Variants in BIRC6 observed in about 807,000 individuals in gnomAD.
The protein encoded by BIRC6 is baculoviral IAP repeat containing 6, also known as dual E2 ubiquitin-conjugating enzyme/E3 ubiquitin-protein ligase BIRC6.
In BIRC6, 98 loss-of-function variants were observed where a neutral mutation model predicts 503.3. That is an observed-to-expected ratio of 0.19 (90% confidence interval 0.17 to 0.23). The LOEUF (loss-of-function observed/expected upper bound fraction) is 0.23, where lower values mean the gene tolerates loss of function less well. Among genes scored for constraint, BIRC6 ranks in the 10% least tolerant of loss-of-function variants. The probability of loss-of-function intolerance (pLI) is 1.00; values close to 1 mark genes in which losing one functional copy is unlikely to be tolerated. For missense variants in BIRC6, 5,360 were observed against 5,806.0 expected (o/e 0.92, Z 2.50); for synonymous variants, 2,240 against 2,078.7 (o/e 1.08, Z -2.11).
intron 6 of BIRC6, among the ~76,000 whole-genome samples, chr2:32,399,022 T>C (rs2040296990): frequency 6.6e-6 from 1 of 152,170 alleles, no homozygotes; most frequent in Admixed American, 6.5e-5. Flanking sequence ...GCCATGGAAA[T>C]AAAACAATGA....
At chr2:32,516,900 A>G (rs1006641765) in intron 55 of BIRC6, among the ~76,000 whole-genome samples, 3 of 152,200 alleles carry the variant, frequency 2.0e-5, no homozygotes, top group African/African-American at 4.8e-5. Flanking sequence ...CATAGAGCCT[A>G]TATGAGATAT....
At chr2:32,588,696 C>T (rs2061217639) in intron 66 of BIRC6, among the ~76,000 whole-genome samples, 2 of 152,126 alleles carry the variant, frequency 1.3e-5, no homozygotes. Flanking sequence ...TTATTTTAGA[C>T]TGTTAGAAAA....
At chr2:32,505,439 A>T (rs2053683462) in intron 50 of BIRC6, 1 of 447,020 alleles carries the variant, frequency 2.2e-6, no homozygotes, top group South Asian at 2.9e-5. Flanking sequence ...TTCCAGTTAT[A>T]TATTATTTCG....
At chr2:32,363,400 A>C (rs2149121129) in intron 1 of BIRC6, among the ~76,000 whole-genome samples, 1 of 152,020 alleles carries the variant, frequency 6.6e-6, no homozygotes, top group Admixed American at 6.5e-5. Flanking sequence ...CAGTTTTTGG[A>C]CTTAAACTGA....
At position 32,439,558 on chromosome 2, in the gene BIRC6, A is replaced by G. The variant is rs751513325; in HGVS notation, c.3682A>G (p.Asn1228Asp). The change falls in exon 16 of 74, where the codon AAT becomes GAT. Residue 1228 changes from asparagine (N) to aspartate (D), a missense_variant. Physicochemically the swap from Asn to Asp is conservative, Grantham distance 23. Coordinates refer to ENST00000421745, the MANE Select transcript of BIRC6 (RefSeq NM_016252.4). ...GTTTTTAATCCATGTCAAGGCAGTG[A>G]ATGAAAGAGGAACAGAAGAGATTTG... Reference protein sequence around the residue: ...RSFLIHVKAVNERGTEEICNG... With the variant: ...RSFLIHVKAVDERGTEEICNG... 6 of 1,613,818 alleles carry G rather than the reference A, an allele frequency of 3.7e-6. No homozygotes were observed. In the East Asian group the frequency reaches 1.3e-4, roughly 36 times the overall value.
chr2:32,379,244 T>A (rs2037273942), intron 2 of BIRC6: 1 of 152,192 alleles, frequency 6.6e-6, no homozygotes, highest in African/African-American at 2.4e-5. Flanking sequence ...TCTACTTGAT[T>A]TGAACAAGTA....
intron 63 of BIRC6, among the ~76,000 whole-genome samples, chr2:32,546,348 G>A (rs2058051420): frequency 6.6e-6 from 1 of 152,172 alleles, no homozygotes; most frequent in Non-Finnish European, 1.5e-5. Flanking sequence ...GGGAGGTTGA[G>A]GTGGGTGGAT....
At chr2:32,369,521 G>A (rs189945273) in intron 1 of BIRC6, among the ~76,000 whole-genome samples, 126 of 148,722 alleles carry the variant, frequency 8.5e-4, no homozygotes, top group Admixed American at 7.6e-3. Flanking sequence ...TCCGCCTCCC[G>A]GGTTCAAGCG....
intron 1 of BIRC6, among the ~76,000 whole-genome samples, chr2:32,366,494 A>G (rs561969492): frequency 7.9e-5 from 12 of 152,336 alleles, no homozygotes; most frequent in South Asian, 2.1e-4. Flanking sequence ...AGTTGTAACT[A>G]TACTTACATT....
intron 1 of BIRC6, among the ~76,000 whole-genome samples, chr2:32,369,946 ATATATATATATATAT>A (rs1292492855): frequency 6.3e-4 from 18 of 28,424 alleles, no homozygotes; most frequent in African/African-American, 2.7e-3. Context: ...AAAAAAAAAA[ATATATATATATATAT>A]ATATATATAT....
At chr2:32,370,044 A>ATATATGTGTGTATG (rs2035696630) in intron 1 of BIRC6, among the ~76,000 whole-genome samples, 1 of 143,734 alleles carries the variant, frequency 7.0e-6, no homozygotes, top group East Asian at 2.0e-4. Context: ...ATGTATGTAT[A>ATATATGTGTGTATG]TATATGTGTG....
chr2:32,502,585 GAC>G (rs2053324890), intron 47 of BIRC6, among the ~76,000 whole-genome samples: 2 of 152,126 alleles, frequency 1.3e-5, no homozygotes, highest in South Asian at 2.1e-4. Flanking sequence ...AATGGATGAA[GAC>G]ACATGCTTTA....
At chr2:32,414,631 C>T in intron 9 of BIRC6, 138 bp from the exon 10 acceptor site, 1 of 607,732 alleles carries the variant, frequency 1.6e-6, no homozygotes, top group East Asian at 3.7e-5. Context: ...TGCACCACTG[C>T]ACTCTAGCCT....
At chr2:32,592,766 T>G (rs1022902574) in intron 66 of BIRC6, among the ~76,000 whole-genome samples, 5 of 151,858 alleles carry the variant, frequency 3.3e-5, no homozygotes, top group Non-Finnish European at 7.4e-5. Flanking sequence ...CAGCTAATTT[T>G]GCATTTTTAG....
At chr2:32,453,164 C>T (rs2148627195) in intron 22 of BIRC6, among the ~76,000 whole-genome samples, 2 of 151,596 alleles carry the variant, frequency 1.3e-5, no homozygotes, top group Middle Eastern at 3.4e-3. Context: ...GTTCTTCCCT[C>T]TAGACTTCTT....
At chr2:32,569,666 T>G (rs968164577) in intron 65 of BIRC6, among the ~76,000 whole-genome samples, 1 of 151,626 alleles carries the variant, frequency 6.6e-6, no homozygotes, top group African/African-American at 2.4e-5. Flanking sequence ...GCCACCACAC[T>G]TGTTCATTTT....
chr2:32,359,425 A>G (rs973297028), intron 1 of BIRC6, among the ~76,000 whole-genome samples: 2 of 152,224 alleles, frequency 1.3e-5, no homozygotes, highest in Admixed American at 1.3e-4. Context: ...AGGAAAGACA[A>G]TATTCACTTT....
intron 71 of BIRC6, among the ~76,000 whole-genome samples, chr2:32,606,812 C>T (rs569298939): frequency 2.0e-3 from 305 of 152,134 alleles, no homozygotes; most frequent in African/African-American, 6.8e-3. Context: ...TCAAAACCAG[C>T]CTGGCCAACA....
Position 32,436,076 on chromosome 2 carries a change from G to A in BIRC6, c.3523G>A (p.Glu1175Lys), listed in dbSNP as rs1425437422. 1.4e-6 allele frequency: 2 copies of A among 1,435,444 alleles called. No individual in the cohort carries two copies. Among genetic ancestry groups the A allele is most frequent in the Non-Finnish European group, 1.9e-6 (2 of 1,077,408 alleles). The allele number at this position is 1,435,444 out of a possible 1,614,324, so 88.9% of individuals were successfully genotyped here. A position where few individuals can be genotyped will look rare whatever the true frequency, so the allele number is the denominator to read the frequency against. ...SQCLRLCPFL[E>K]DHKEDILCGP... ...AGGTCTTAGATTATGTCCATTTTTG[G>A]AGGATCATAAAGAAGACATTCTATG... is the stretch of plus-strand genomic sequence containing the variant. The change falls in exon 15 of 74, where the codon GAG becomes AAG. Residue 1175 changes from glutamate (E) to lysine (K), a missense_variant. Transcript: ENST00000421745.
Sources: gnomAD v4.1 joint callset for allele counts (sites outside exome capture counted in the v4.1 genomes callset) on GRCh38, gnomAD v4.1.1 for gene constraint, MANE v1.5 for transcripts, NCBI Gene and HGNC (gene_info 2026-07-23, HGNC 2026-07-21) for gene names.